Variants in TMEFF2 observed in about 807,000 individuals in gnomAD.
The protein encoded by TMEFF2 is tomoregulin-2.
In TMEFF2, 28 loss-of-function variants were observed where a neutral mutation model predicts 53.8. The ratio of observed to expected loss-of-function variants is 0.52; its 90% CI spans 0.39 to 0.71. The LOEUF is 0.71. Ranked by LOEUF, TMEFF2 falls within the 30% of genes least tolerant of loss-of-function variation. The pLI is 0.00. For missense variants in TMEFF2, 353 were observed against 455.2 expected, an observed-to-expected ratio of 0.78 and a Z score of 2.04; for synonymous variants, 162 against 166.3, an observed-to-expected ratio of 0.97 and a Z score of 0.20.
intron 4 of TMEFF2, among the ~76,000 whole-genome samples, chr2:192,102,473 G>C (rs1265788931): frequency 1.3e-5 from 2 of 151,676 alleles, no homozygotes; most frequent in African/African-American, 4.8e-5. Context: ...CCCTACTCTA[G>C]CCTTCTTGCA....
chr2:192,130,399 A>G (rs1689788583), intron 4 of TMEFF2, among the ~76,000 whole-genome samples: 1 of 152,132 alleles, frequency 6.6e-6, no homozygotes, highest in South Asian at 2.1e-4. Context: ...CAGGCCTCTG[A>G]GCCCAAGTCA....
intron 4 of TMEFF2, among the ~76,000 whole-genome samples, chr2:192,106,266 C>T (rs1170227250): frequency 5.3e-5 from 8 of 151,406 alleles, no homozygotes; most frequent in Non-Finnish European, 4.4e-5. Context: ...AATATATGTA[C>T]AAAAAATGCA....
intron 5 of TMEFF2, among the ~76,000 whole-genome samples, chr2:192,053,088 A>AG (rs1687811589): frequency 6.6e-6 from 1 of 152,228 alleles, no homozygotes; most frequent in Non-Finnish European, 1.5e-5. Context: ...AAATGAAATC[A>AG]TAGAACATAA....
chr2:192,193,986 C>CT (rs911783056), intron 1 of TMEFF2, among the ~76,000 whole-genome samples: 5 of 152,160 alleles, frequency 3.3e-5, no homozygotes, highest in African/African-American at 1.2e-4. Flanking sequence ...CCTAGTAAGA[C>CT]TTTTTTCTTT....
At chr2:192,082,280 A>G (rs1379318204) in intron 4 of TMEFF2, among the ~76,000 whole-genome samples, 1 of 152,166 alleles carries the variant, frequency 6.6e-6, no homozygotes, top group Non-Finnish European at 1.5e-5. Flanking sequence ...TACCCGTGGC[A>G]CACACTTCTC....
rs1319203310 is a variant in TMEFF2 at position 191,956,299 on chromosome 2, A to G, written c.825T>C (p.His275=). 11 of 1,613,952 alleles carry G rather than the reference A, an allele frequency of 6.8e-6. No individual in the cohort carries two copies. The highest frequency in any genetic ancestry group is 2.7e-5 in the African/African-American group (2 of 75,022). Residue 275 remains histidine, a synonymous_variant, in exon 8 of 10, where the codon CAT becomes CAC. Coordinates refer to ENST00000272771, the MANE Select transcript of TMEFF2 (RefSeq NM_016192.4). ...CPEHYNGFCM[H]GKCEHSINMQ... ...TATTGATAGAATGCTCACACTTCCC[A>G]TGCATGCAGAAGCCATTGTAATGTT...
intron 4 of TMEFF2, among the ~76,000 whole-genome samples, chr2:192,083,712 C>T (rs1688605687): frequency 1.3e-5 from 2 of 150,748 alleles, no homozygotes; most frequent in African/African-American, 4.9e-5. Flanking sequence ...CACCTACCCC[C>T]TGAATCTAGT....
intron 2 of TMEFF2, among the ~76,000 whole-genome samples, chr2:192,191,405 T>A (rs377269398): frequency 7.2e-5 from 11 of 152,002 alleles, no homozygotes; most frequent in African/African-American, 2.7e-4. Context: ...TAGAACAAAG[T>A]GTTGAGGTTA....
intron 4 of TMEFF2, among the ~76,000 whole-genome samples, chr2:192,153,120 CT>C (rs1690427261): frequency 1.3e-5 from 2 of 151,166 alleles, no homozygotes; most frequent in South Asian, 4.2e-4. Context: ...AGAATTATTA[CT>C]CTTTTTAATA....
intron 4 of TMEFF2, among the ~76,000 whole-genome samples, chr2:192,074,131 A>C (rs1296130249): frequency 6.6e-6 from 1 of 151,942 alleles, no homozygotes. Flanking sequence ...TCTGACCTCA[A>C]ATCTTTCTTC....
chr2:192,191,135 T>C (rs1360849409), intron 2 of TMEFF2, among the ~76,000 whole-genome samples: 1 of 152,170 alleles, frequency 6.6e-6, no homozygotes, highest in East Asian at 1.9e-4. Context: ...TGTTAGCTAA[T>C]GACTATACTA....
At chr2:192,043,609 C>G (rs1021353319) in intron 5 of TMEFF2, 3 of 152,230 alleles carry the variant, frequency 2.0e-5, no homozygotes, top group Admixed American at 1.3e-4. Flanking sequence ...TTCCATCTCA[C>G]AGTGGATCCA....
chr2:192,178,882 A>G (rs1691115956), intron 4 of TMEFF2: 1 of 151,312 alleles, frequency 6.6e-6, no homozygotes, highest in Non-Finnish European at 1.5e-5. Flanking sequence ...GAAATTATAT[A>G]TAGGTTGTGT....
At chr2:192,040,728 T>G (rs1326054560) in intron 5 of TMEFF2, among the ~76,000 whole-genome samples, 1 of 152,164 alleles carries the variant, frequency 6.6e-6, no homozygotes. Context: ...CCTCATTTCC[T>G]GAATTTTACA....
chr2:192,183,801 T>G (rs1691245785), intron 3 of TMEFF2, among the ~76,000 whole-genome samples: 1 of 152,054 alleles, frequency 6.6e-6, no homozygotes, highest in Admixed American at 6.6e-5. Flanking sequence ...CTTTGTAGAA[T>G]CCCAGGTTAA....
chr2:191,973,678 C>T (rs940192954), intron 7 of TMEFF2, among the ~76,000 whole-genome samples: 3 of 152,064 alleles, frequency 2.0e-5, no homozygotes, highest in Non-Finnish European at 4.4e-5. Context: ...AAGATAGTGA[C>T]ATGGTTTGGC....
At chr2:192,015,308 C>CTTTTTTTTTTTTTTT (rs34696715) in intron 5 of TMEFF2, among the ~76,000 whole-genome samples, 1 of 76,270 alleles carries the variant, frequency 1.3e-5, no homozygotes. Context: ...ATCACTGAAG[C>CTTTTTTTTTTTTTTT]TTTTTTTTTT....
At chr2:192,150,207 A>C (rs1240441987) in intron 4 of TMEFF2, among the ~76,000 whole-genome samples, 1 of 151,970 alleles carries the variant, frequency 6.6e-6, no homozygotes, top group Non-Finnish European at 1.5e-5. Context: ...CTTAGTTACC[A>C]TATTCCTCTA....
intron 5 of TMEFF2, among the ~76,000 whole-genome samples, chr2:192,030,884 A>G (rs1351322524): frequency 6.6e-6 from 1 of 152,148 alleles, no homozygotes; most frequent in African/African-American, 2.4e-5. Context: ...CTTCGCCTGC[A>G]TGATTAGAAG....
Sources: gnomAD v4.1 joint callset for allele counts (sites outside exome capture counted in the v4.1 genomes callset) on GRCh38, gnomAD v4.1.1 for gene constraint, MANE v1.5 for transcripts, NCBI Gene and HGNC (gene_info 2026-07-23, HGNC 2026-07-21) for gene names.